SEMA6C: variants seen among roughly 807,000 people sequenced by gnomAD.
SEMA6C encodes semaphorin-6C.
SEMA6C carries 37 observed loss-of-function variants against 72.9 expected under a neutral mutation model. The observed-to-expected ratio is 0.51, with a 90% CI of 0.39 to 0.67. The LOEUF (loss-of-function observed/expected upper bound fraction) is 0.67, where lower values mean the gene tolerates loss of function less well. Ranked by LOEUF, SEMA6C falls within the 30% of genes least tolerant of loss-of-function variation. The pLI, the probability that SEMA6C is intolerant of heterozygous loss-of-function variation, is 0.00. For missense variants in SEMA6C, 1,189 were observed against 1,263.6 expected (o/e 0.94, Z 0.89); for synonymous variants, 578 against 554.1 (o/e 1.04, Z -0.61).
intron 3 of SEMA6C, among the ~76,000 whole-genome samples, chr1:151,140,946 C>T (rs995388599): frequency 4.6e-5 from 7 of 150,984 alleles, no homozygotes; most frequent in South Asian, 2.1e-4. Context: ...TGCAGTGAGC[C>T]GAGATCACGC....
intron 18 of SEMA6C, chr1:151,134,118 A>AG: frequency 8.0e-7 from 1 of 1,242,674 alleles, no homozygotes; most frequent in Non-Finnish European, 1.1e-6. Flanking sequence ...ACACCCTTCC[A>AG]GGGGTCCTTC....
Position 151,134,793 on chromosome 1 carries a change from C to G in SEMA6C, c.1658+5G>C. The G allele has an allele frequency of 1.2e-6, 2 of 1,614,048 alleles. No homozygotes were observed. Among genetic ancestry groups the G allele is most frequent in the Non-Finnish European group, 1.7e-6 (2 of 1,179,912 alleles). On this transcript the variant is annotated splice_donor_5th_base_variant and intron_variant, in intron 16 of 18. Coordinates refer to ENST00000368914, the MANE Select transcript of SEMA6C (RefSeq NM_030913.6). ...GCTCAGGAAACCCAAGGACCCATCACTTACCCACCAGATCCCCTGATATCC... is the reference window on the plus strand; with the variant it reads ...GCTCAGGAAACCCAAGGACCCATCAGTTACCCACCAGATCCCCTGATATCC...
At chr1:151,143,484 C>T (rs1261036451) in intron 2 of SEMA6C, among the ~76,000 whole-genome samples, 1 of 152,202 alleles carries the variant, frequency 6.6e-6, no homozygotes, top group African/African-American at 2.4e-5. Context: ...GGGGGAAGAG[C>T]AGACCCACCC....
chr1:151,133,876 A>G lies in SEMA6C; in HGVS notation c.1760-359T>C. 1.6e-6 allele frequency: 2 copies of G among 1,222,574 alleles called. No homozygotes were observed. Among genetic ancestry groups the G allele is most frequent in the Non-Finnish European group, 2.3e-6 (2 of 859,960 alleles). The allele number at this position is 1,222,574 out of a possible 1,614,324, so 75.7% of individuals were successfully genotyped here. A position where few individuals can be genotyped will look rare whatever the true frequency, so the allele number is the denominator to read the frequency against. Reference sequence around the variant, plus strand: ...CCAAACAGGCGTTAGTGAGCACCAAACACCATTCAGTGAGGGGCTTAGAAC... The same window carrying G: ...CCAAACAGGCGTTAGTGAGCACCAAGCACCATTCAGTGAGGGGCTTAGAAC... On this transcript the variant is annotated intron_variant, in intron 18 of 18. Transcript: ENST00000368914. This position sits in a 1 kb window ranked among gnomAD's most constrained non-coding sequence, Gnocchi z 5.9.
chr1:151,136,407 G>A (rs370814864), intron 12 of SEMA6C, 41 bp downstream of exon 12: 3 of 1,600,886 alleles, frequency 1.9e-6, no homozygotes, highest in African/African-American at 1.4e-5. Flanking sequence ...GGCAGACGCT[G>A]CTTGCTTCTG....
Position 151,132,998 on chromosome 1 carries a change from T to C in SEMA6C, c.2279A>G (p.Gln760Arg), listed in dbSNP as rs1681689547. Residue 760 changes from glutamine to arginine, a missense_variant, in exon 19 of 19, where the codon CAG (glutamine) becomes CGG (arginine). This residue lies in a region of SEMA6C where 721 missense variants were observed against 686.2 expected (regional missense o/e 1.05). Coordinates refer to ENST00000368914, the MANE Select transcript of SEMA6C (RefSeq NM_030913.6). Reference protein sequence around the residue: ...VRPPPPGCPGQAVEVTTLEEL... With the variant: ...VRPPPPGCPGRAVEVTTLEEL... ...CTCCAGGGTGGTGACTTCCACGGCC[T>C]GCCCGGGACAGCCGGGCGGCGGTGG... 3 of 1,407,336 alleles carry C rather than the reference T, an allele frequency of 2.1e-6. No individual in the cohort carries two copies. The highest frequency in any genetic ancestry group is 2.8e-6 in the Non-Finnish European group (3 of 1,077,378). 87.2% of individuals were successfully genotyped at this position (1,407,336 alleles called of 1,614,324 possible). A position where few individuals can be genotyped will look rare whatever the true frequency, so the allele number is the denominator to read the frequency against.
In SEMA6C at chr1:151,135,861, C is replaced by T. The variant is rs181240135; in HGVS notation, c.1260-97G>A. ...CCTTGGTAGCTGTGCCTGTGCCCTT[C>T]CCCCAGGCCCCAGGGTTGCCTTCTT... On this transcript the variant is annotated intron_variant, in intron 13 of 18. Coordinates refer to ENST00000368914, the MANE Select transcript of SEMA6C (RefSeq NM_030913.6). 3.4e-4 allele frequency: 517 copies of T among 1,503,858 alleles called. 2 individuals carry two copies. In the East Asian group the frequency reaches 7.3e-3, roughly 21 times the overall value. 93.2% of individuals were successfully genotyped at this position (1,503,858 alleles called of 1,614,324 possible).
At position 151,133,635 on chromosome 1, in the gene SEMA6C, GC is replaced by G. The variant is rs1164285059; in HGVS notation, c.1760-119del. On this transcript the variant is annotated intron_variant, in intron 18 of 18. Coordinates refer to ENST00000368914, the MANE Select transcript of SEMA6C (RefSeq NM_030913.6). The surrounding 1 kb of genome is among the most constrained non-coding windows in gnomAD (Gnocchi z 5.9). ...TCATCGTCCCTCCCGCTGCTACTCA[GC>G]CTCACTCCTACAGCCTCCACCATCC... 1.4e-6 allele frequency: 2 copies of G among 1,415,788 alleles called. No homozygotes were observed. Among genetic ancestry groups the G allele is most frequent in the Non-Finnish European group, 1.8e-6 (2 of 1,081,846 alleles). The allele number at this position is 1,415,788 out of a possible 1,614,324, so 87.7% of individuals were successfully genotyped here.
rs769115613 is a variant in SEMA6C, at chr1:151,135,644, G to A, written c.1380C>T (p.Ser460=). ...VLKVLTPGGR[S]GGPEPILLEE... is the part of the protein sequence containing the mutation. ...CCAGGAGGATGGGCTCAGGTCCCCC[G>A]GATCGCCCACCTGGGGTCAGCACCT... Residue 460 remains serine (S), a synonymous_variant, in exon 14 of 19, where the codon TCC becomes TCT. Transcript: ENST00000368914. 2.5e-6 allele frequency: 4 copies of A among 1,614,188 alleles called. No individual in the cohort carries two copies. The highest frequency in any genetic ancestry group is 2.2e-5 in the South Asian group (2 of 91,086).
At chr1:151,142,384 T>G (rs1240883202) in intron 3 of SEMA6C, 120 bp downstream of exon 3, 6 of 1,127,544 alleles carry the variant, frequency 5.3e-6, no homozygotes, top group African/African-American at 1.7e-5. Context: ...TCCTTCTTTT[T>G]GCTGGTCTGG....
Position 151,145,893 on chromosome 1 carries a change from C to T in SEMA6C, c.-105+540G>A, listed in dbSNP as rs1293031577. ...GAGCGGGCTGAAGGAAGGAGATAGGCGCTGGGACCGATGTTGCTCGAGGGC... is the reference window on the plus strand; with the variant it reads ...GAGCGGGCTGAAGGAAGGAGATAGGTGCTGGGACCGATGTTGCTCGAGGGC... On this transcript the variant is annotated intron_variant, in intron 1 of 18. Coordinates refer to ENST00000368914, the MANE Select transcript of SEMA6C (RefSeq NM_030913.6). This position sits in a 1 kb window ranked among gnomAD's most constrained non-coding sequence, Gnocchi z 4.4. 2 of 152,304 alleles carry T rather than the reference C, an allele frequency of 1.3e-5. No homozygotes were observed. Among genetic ancestry groups the T allele is most frequent in the African/African-American group, 4.8e-5 (2 of 41,464 alleles). 9.4% of individuals were successfully genotyped at this position (152,304 alleles called of 1,614,324 possible). A position where few individuals can be genotyped will look rare whatever the true frequency, so the allele number is the denominator to read the frequency against.
chr1:151,144,819 T>C (rs894141021), intron 1 of SEMA6C, among the ~76,000 whole-genome samples: 1 of 152,182 alleles, frequency 6.6e-6, no homozygotes, highest in African/African-American at 2.4e-5. Flanking sequence ...GCATCTCATT[T>C]ACATGCTCTT....
intron 14 of SEMA6C, 77 bp downstream of exon 14, chr1:151,135,514 A>G (rs1452299705): frequency 5.9e-6 from 9 of 1,526,966 alleles, no homozygotes; most frequent in Non-Finnish European, 8.0e-6. Context: ...GATGTTTCCA[A>G]CCTATTCCCG....
rs151009948 is a variant in SEMA6C at position 151,137,769 on chromosome 1, C to G, written c.698G>C (p.Gly233Ala). The change falls in exon 10 of 19, where the codon GGA (glycine) becomes GCA (alanine). Residue 233 changes from glycine (G) to alanine (A), a missense_variant. Gly to Ala is a moderately conservative substitution (Grantham distance 60). Transcript: ENST00000368914. ...EPHFVQALEHGDHVYFFFREV... is the reference protein window; with the variant it reads ...EPHFVQALEHADHVYFFFREV... ...GCGGAAGAAGAAGTAGACATGGTCT[C>G]CATGCTCCAAGGCCTGGACAAAGTG... 6.2e-7 allele frequency: 1 copy of G among 1,613,786 alleles called. No individual in the cohort carries two copies. The highest frequency in any genetic ancestry group is 2.2e-5 in the East Asian group (1 of 44,874).
intron 1 of SEMA6C, among the ~76,000 whole-genome samples, chr1:151,144,704 TG>T (rs1180101698): frequency 3.3e-5 from 5 of 152,168 alleles, no homozygotes; most frequent in African/African-American, 7.2e-5. Context: ...AGGGGGTCAC[TG>T]GGAGAGTTTG....
At chr1:151,140,216 T>C in intron 3 of SEMA6C, 126 bp from the exon 4 acceptor site, 1 of 719,364 alleles carries the variant, frequency 1.4e-6, no homozygotes, top group Non-Finnish European at 2.5e-6. Context: ...AAGCTATTCT[T>C]AATACCAATA....
intron 16 of SEMA6C, 44 bp from the exon 17 acceptor site, chr1:151,134,719 G>A (rs748341382): frequency 3.3e-5 from 54 of 1,612,308 alleles, no homozygotes; most frequent in East Asian, 4.5e-5. Context: ...TACGTTGTCC[G>A]TATCTCCCAC....
intron 4 of SEMA6C, 89 bp downstream of exon 4, chr1:151,139,887 C>T (rs1682388003): frequency 7.6e-7 from 1 of 1,320,576 alleles, no homozygotes; most frequent in Non-Finnish European, 1.1e-6. Flanking sequence ...TGCATGTGTC[C>T]CCTGCAAGAT....
At chr1:151,143,915 C>T (rs1397381964) in intron 2 of SEMA6C, among the ~76,000 whole-genome samples, 1 of 152,308 alleles carries the variant, frequency 6.6e-6, no homozygotes, top group African/African-American at 2.4e-5. Context: ...CCAGGCCAAG[C>T]CCCCTTCCAT....
Sources: gnomAD v4.1 joint callset for allele counts (sites outside exome capture counted in the v4.1 genomes callset) on GRCh38, gnomAD v4.1.1 for gene constraint, gnomAD v4.1.1 regional missense constraint, Gnocchi (gnomAD v3.1) non-coding constraint, MANE v1.5 for transcripts, NCBI Gene and HGNC (gene_info 2026-07-23, HGNC 2026-07-21) for gene names.